The following CSPP1 variants were observed in gnomAD, a reference collection of about 807,000 sequenced individuals.
CSPP1 encodes centrosome and spindle pole associated protein 1.
A neutral mutation model predicts 164.4 loss-of-function variants in CSPP1; 126 were observed. That is an observed-to-expected ratio of 0.77 (90% CI 0.66 to 0.89). CSPP1 has a LOEUF of 0.89. Among genes scored for constraint, CSPP1 ranks in the 40% least tolerant of loss-of-function variants. The pLI is 0.00. For synonymous variants in CSPP1, 472 were observed against 476.7 expected, an observed-to-expected ratio of 0.99 and a Z score of 0.13; for missense variants, 1,395 against 1,449.8, an observed-to-expected ratio of 0.96 and a Z score of 0.61.
chr8:67,090,468 G>A (rs1585983337), intron 4 of CSPP1, among the ~76,000 whole-genome samples: 1 of 151,948 alleles, frequency 6.6e-6, no homozygotes, highest in African/African-American at 2.4e-5. Context: ...TGTGTTTTTA[G>A]TAGAGGGGGT....
At chr8:67,087,938 C>G (rs1208610690) in intron 4 of CSPP1, among the ~76,000 whole-genome samples, 1 of 152,182 alleles carries the variant, frequency 6.6e-6, no homozygotes, top group Non-Finnish European at 1.5e-5. Flanking sequence ...ACCCTCCAAG[C>G]TATTTTCCAG....
chr8:67,146,422 T>G (rs1030600512), intron 17 of CSPP1, among the ~76,000 whole-genome samples: 2 of 152,154 alleles, frequency 1.3e-5, no homozygotes, highest in Non-Finnish European at 2.9e-5. Context: ...TGCGCCCAGC[T>G]GGAGAGAATA....
chr8:67,079,698 T>G (rs1433170696), intron 3 of CSPP1, among the ~76,000 whole-genome samples: 3 of 152,260 alleles, frequency 2.0e-5, no homozygotes, highest in Non-Finnish European at 4.4e-5. Context: ...TTTGCCATCT[T>G]AATACTTCTG....
Position 67,131,395 on chromosome 8 carries a change from C to A in CSPP1, c.1698-556C>A, listed in dbSNP as rs558573692. Among the ~76,000 whole-genome samples the A allele has an allele frequency of 6.2e-3, 948 of 152,092 alleles. 10 individuals are homozygous for A. The highest frequency in any genetic ancestry group is 0.016 in the African/African-American group (666 of 41,510). ...AAGTAGGACCCTGTCCCAAAAAAAA[C>A]CAAAAAAACAGCACTTTATTGCTTG... On this transcript the variant is annotated intron_variant, in intron 15 of 30. Coordinates refer to ENST00000678616, the MANE Select transcript of CSPP1 (RefSeq NM_001382391.1).
chr8:67,176,619 T>A (rs902710310), intron 26 of CSPP1, among the ~76,000 whole-genome samples: 1 of 152,166 alleles, frequency 6.6e-6, no homozygotes, highest in African/African-American at 2.4e-5. Flanking sequence ...AGTCTCAAAA[T>A]GAAGATCTGA....
At position 67,067,453 on chromosome 8, in the gene CSPP1, G is replaced by T. The variant is rs575786571; in HGVS notation, c.-11+2915G>T. Among the ~76,000 whole-genome samples the T allele has an allele frequency of 6.5e-3, 981 of 150,816 alleles. 9 individuals carry two copies. The highest frequency in any genetic ancestry group is 0.014 in the Middle Eastern group (4 of 286). ...TACGTTTGCAGGCTCTGTTTTTTTTGTTTGTTTGTTTGTTTGTTTTGGTTT... is the reference window on the plus strand; with the variant it reads ...TACGTTTGCAGGCTCTGTTTTTTTTTTTTGTTTGTTTGTTTGTTTTGGTTT... On this transcript the variant is annotated intron_variant, in intron 1 of 30. Coordinates refer to ENST00000678616, the MANE Select transcript of CSPP1 (RefSeq NM_001382391.1).
At chr8:67,068,805 A>G (rs1015942003) in intron 1 of CSPP1, among the ~76,000 whole-genome samples, 9 of 152,242 alleles carry the variant, frequency 5.9e-5, no homozygotes, top group Admixed American at 1.3e-4. Flanking sequence ...CTCTGTGTCT[A>G]TGATGGATCA....
chr8:67,074,285 G>C lies in CSPP1; in HGVS notation c.33G>C (p.Glu11Asp), dbSNP rs1327593032. ...ATAATTTGGATGAATTTATTGAAGA[G>C]CAAAAAGCCAGATTGGCCGAAGACA... MADNLDEFIE[E>D]QKARLAEDKA... Residue 11 changes from glutamate to aspartate, a missense_variant, in exon 2 of 31, where the codon GAG becomes GAC. Transcript: ENST00000678616. The C allele has an allele frequency of 6.2e-7, 1 of 1,610,820 alleles. No individual in the cohort carries two copies. The highest frequency in any genetic ancestry group is 1.3e-5 in the African/African-American group (1 of 74,866).
chr8:67,195,496 A>G lies in CSPP1; in HGVS notation c.3584A>G (p.Lys1195Arg). The G allele has an allele frequency of 6.2e-7, 1 of 1,614,208 alleles. No homozygotes were observed. Residue 1195 changes from lysine to arginine, a missense_variant, in exon 31 of 31, where the codon AAA becomes AGA. Transcript: ENST00000678616. ...WLRPGTSETL[K>R]RFMAEQLNQE... is the part of the protein sequence containing the mutation. ...CGCCCTGGCACTTCAGAAACGCTGAAACGTTTCATGGCAGAGCAGCTGAAC... is the reference window on the plus strand; with the variant it reads ...CGCCCTGGCACTTCAGAAACGCTGAGACGTTTCATGGCAGAGCAGCTGAAC...
At chr8:67,119,586 A>G (rs536976535) in intron 15 of CSPP1, among the ~76,000 whole-genome samples, 1 of 152,168 alleles carries the variant, frequency 6.6e-6, no homozygotes, top group East Asian at 1.9e-4. Flanking sequence ...TAACCATTCT[A>G]ATGAGTGTAA....
At chr8:67,162,383 A>T (rs1249471643) in intron 22 of CSPP1, among the ~76,000 whole-genome samples, 1 of 152,212 alleles carries the variant, frequency 6.6e-6, no homozygotes, top group Non-Finnish European at 1.5e-5. Context: ...GCATTAAGGC[A>T]GCAGAGGAGG....
At chr8:67,111,538 A>G (rs879323792) in intron 9 of CSPP1, among the ~76,000 whole-genome samples, 19 of 152,216 alleles carry the variant, frequency 1.2e-4, no homozygotes, top group African/African-American at 4.6e-4. Flanking sequence ...CAAGCAGTCC[A>G]AGTTATAGTG....
intron 1 of CSPP1, chr8:67,065,572 G>A: frequency 1.1e-6 from 1 of 938,958 alleles, no homozygotes; most frequent in Non-Finnish European, 1.3e-6. Flanking sequence ...CTTCTCCCTA[G>A]GAGGTCGCTA....
intron 3 of CSPP1, among the ~76,000 whole-genome samples, chr8:67,079,649 C>T (rs1410072118): frequency 6.6e-6 from 1 of 152,206 alleles, no homozygotes; most frequent in Non-Finnish European, 1.5e-5. Context: ...GTCTCTGCTT[C>T]AAACCCTTTG....
intron 28 of CSPP1, among the ~76,000 whole-genome samples, chr8:67,184,763 A>G (rs538266838): frequency 6.8e-6 from 1 of 147,746 alleles, no homozygotes; most frequent in South Asian, 2.1e-4. Context: ...AATAATAATA[A>G]TAATAAAGGT....
chr8:67,083,546 A>ATAT (rs1339466789), intron 3 of CSPP1: 118 of 121,646 alleles, frequency 9.7e-4, no homozygotes, highest in East Asian at 4.4e-3. Context: ...AAAAAAAAAA[A>ATAT]AAATATATAT....
At chr8:67,149,631 T>C (rs1456568539) in intron 17 of CSPP1, 152 bp from the exon 18 acceptor site, 7 of 478,610 alleles carry the variant, frequency 1.5e-5, no homozygotes, top group African/African-American at 6.0e-5. Flanking sequence ...GATAATTTTG[T>C]TTCTCTTTTC....
intron 17 of CSPP1, among the ~76,000 whole-genome samples, chr8:67,146,581 G>C (rs1002621108): frequency 6.6e-6 from 1 of 152,088 alleles, no homozygotes; most frequent in African/African-American, 2.4e-5. Context: ...TGGGAATTTT[G>C]CTTAGCTCTC....
Position 67,163,810 on chromosome 8 carries a change from T to C in CSPP1, c.2710+12T>C. 1 of 1,586,388 alleles carries C rather than the reference T, an allele frequency of 6.3e-7. No individual in the cohort carries two copies. The highest frequency in any genetic ancestry group is 2.2e-5 in the East Asian group (1 of 44,736). On this transcript the variant is annotated intron_variant, in intron 23 of 30. Transcript: ENST00000678616. The stretch of plus-strand genomic sequence containing the variant: ...GCTCCGTGCAGAAGGTAGAGTTAAC[T>C]ACTAAACCTGTTACCTAGAGTATTT...
Sources: gnomAD v4.1 joint callset for allele counts (sites outside exome capture counted in the v4.1 genomes callset) on GRCh38, gnomAD v4.1.1 for gene constraint, MANE v1.5 for transcripts, NCBI Gene and HGNC (gene_info 2026-07-23, HGNC 2026-07-21) for gene names.